PKP2: variants seen among roughly 807,000 people sequenced by gnomAD.
The protein encoded by PKP2 is plakophilin-2.
In PKP2, 73 loss-of-function variants were observed where a neutral mutation model predicts 83.4. The observed-to-expected ratio is 0.88, with a 90% CI of 0.72 to 1.06. PKP2 has a LOEUF of 1.06. Among genes scored for constraint, PKP2 ranks in the 50% least tolerant of loss-of-function variants. The pLI, the probability that PKP2 is intolerant of heterozygous loss-of-function variation, is 0.00. For synonymous variants in PKP2, 409 were observed against 430.4 expected, an observed-to-expected ratio of 0.95 and a Z score of 0.62; for missense variants, 966 against 1,065.4, an observed-to-expected ratio of 0.91 and a Z score of 1.30.
intron 1 of PKP2, among the ~76,000 whole-genome samples, chr12:32,886,517 TTGTC>T (rs1426192206): frequency 2.6e-5 from 4 of 152,234 alleles, no homozygotes; most frequent in Non-Finnish European, 4.4e-5. Flanking sequence ...TTTTTGTTTT[TTGTC>T]TGTCTGTGTT....
intron 9 of PKP2, among the ~76,000 whole-genome samples, chr12:32,819,291 T>A (rs1956351009): frequency 7.1e-5 from 1 of 14,150 alleles, no homozygotes; most frequent in African/African-American, 1.8e-4. Context: ...ATAAATACAA[T>A]ACAATACAAT....
At chr12:32,840,959 C>T (rs1173034944) in intron 6 of PKP2, 69 bp downstream of exon 6, 1 of 1,128,570 alleles carries the variant, frequency 8.9e-7, no homozygotes, top group Non-Finnish European at 1.3e-6. Flanking sequence ...CAGAATATAT[C>T]CTGACTTCCT....
chr12:32,869,010 C>G lies in PKP2; in HGVS notation c.1087G>C (p.Asp363His). 6.2e-7 allele frequency: 1 copy of G among 1,613,958 alleles called. No individual in the cohort carries two copies. Among genetic ancestry groups the G allele is most frequent in the Non-Finnish European group, 8.5e-7 (1 of 1,179,926 alleles). Residue 363 changes from aspartate to histidine, a missense_variant, in exon 4 of 13, where the codon GAC (aspartate) becomes CAC (histidine). Physicochemically the swap from Asp to His is moderately conservative, Grantham distance 81. Coordinates refer to ENST00000340811, the MANE Select transcript of PKP2 (RefSeq NM_001005242.3). ...LERAVSMLEA[D>H]HMLPSRISAA... Reference sequence around the variant, plus strand: ...GAAATCCTGGATGGCAGCATGTGGTCTGCCTCGAGCATACTCACTGCTCGC... The same window carrying G: ...GAAATCCTGGATGGCAGCATGTGGTGTGCCTCGAGCATACTCACTGCTCGC...
chr12:32,872,442 G>A (rs947589596), intron 3 of PKP2, among the ~76,000 whole-genome samples: 1 of 152,154 alleles, frequency 6.6e-6, no homozygotes, highest in Admixed American at 6.5e-5. Context: ...GCTGAGGCAG[G>A]AGAATTGCTT....
At chr12:32,820,200 T>G (rs1188850178) in intron 9 of PKP2, 1 of 152,218 alleles carries the variant, frequency 6.6e-6, no homozygotes, top group Non-Finnish European at 1.5e-5. Context: ...TAAACACACA[T>G]ATTAAAGAAT....
intron 9 of PKP2, among the ~76,000 whole-genome samples, chr12:32,809,172 G>A (rs567514412): frequency 6.6e-6 from 1 of 152,286 alleles, no homozygotes; most frequent in East Asian, 1.9e-4. Context: ...TCTGGGAGCT[G>A]CATCCCAGGG....
chr12:32,880,267 G>C (rs1309953417), intron 1 of PKP2, among the ~76,000 whole-genome samples: 2 of 151,794 alleles, frequency 1.3e-5, no homozygotes, highest in African/African-American at 4.8e-5. Context: ...GGGGGTGGTG[G>C]TGGGCGCCTG....
chr12:32,808,600 G>A (rs1956247002), intron 9 of PKP2, among the ~76,000 whole-genome samples: 1 of 152,182 alleles, frequency 6.6e-6, no homozygotes, highest in South Asian at 2.1e-4. Context: ...TGGAGAAGAG[G>A]CACTCTGTCT....
At chr12:32,793,613 C>CTTTTTTTTTTTTTT (rs35990527) in intron 11 of PKP2, among the ~76,000 whole-genome samples, 10 of 76,718 alleles carry the variant, frequency 1.3e-4, no homozygotes, top group African/African-American at 3.5e-4. Context: ...TCATATTCTG[C>CTTTTTTTTTTTTTT]TTTTTTTTTT....
intron 8 of PKP2, 50 bp downstream of exon 8, chr12:32,822,417 T>A (rs374993132): frequency 2.0e-5 from 30 of 1,476,950 alleles, no homozygotes; most frequent in South Asian, 3.4e-5. Flanking sequence ...AAACACACAC[T>A]CTCTCTCATT....
At chr12:32,874,553 AC>A (rs1479205272) in intron 3 of PKP2, among the ~76,000 whole-genome samples, 2 of 152,044 alleles carry the variant, frequency 1.3e-5, no homozygotes, top group African/African-American at 4.8e-5. Flanking sequence ...AAATTTCTTG[AC>A]CCCAAGTGTT....
chr12:32,843,227 C>T lies in PKP2; in HGVS notation c.1379-2022G>A, dbSNP rs111450489. ...CGAACTCCTGACCTCGTGATCCGCC[C>T]GCCTTGGCCTCCCAAAGTGCTGGGA... On this transcript the variant is annotated intron_variant, in intron 5 of 12. Coordinates refer to ENST00000340811, the MANE Select transcript of PKP2 (RefSeq NM_001005242.3). 64 of 747,806 alleles carry T rather than the reference C, an allele frequency of 8.6e-5. No homozygotes were observed. The highest frequency in any genetic ancestry group is 1.4e-4 in the South Asian group (11 of 75,898). 46.3% of individuals were successfully genotyped at this position (747,806 alleles called of 1,614,324 possible).
intron 9 of PKP2, among the ~76,000 whole-genome samples, chr12:32,803,314 A>G (rs1052777528): frequency 1.3e-5 from 2 of 152,220 alleles, no homozygotes; most frequent in African/African-American, 4.8e-5. Context: ...CAGAGGTTGC[A>G]GAGAGCCAAG....
intron 10 of PKP2, among the ~76,000 whole-genome samples, chr12:32,800,178 T>G (rs1477761956): frequency 6.6e-6 from 1 of 152,180 alleles, no homozygotes; most frequent in Non-Finnish European, 1.5e-5. Flanking sequence ...CTGCCTAATT[T>G]TATTGTGTGC....
At chr12:32,890,303 C>T (rs1021350268) in intron 1 of PKP2, among the ~76,000 whole-genome samples, 3 of 152,018 alleles carry the variant, frequency 2.0e-5, no homozygotes, top group Non-Finnish European at 4.4e-5. Flanking sequence ...GCTTGATGCT[C>T]ACCCACACCC....
chr12:32,807,355 C>G lies in PKP2; in HGVS notation c.2014-4799G>C, dbSNP rs147699372. ...GTCAGAACTAGGATTGCAACCCTTGCTTTTTTCTGTTTTCCATTTGCTTGG... is the reference window on the plus strand; with the variant it reads ...GTCAGAACTAGGATTGCAACCCTTGGTTTTTTCTGTTTTCCATTTGCTTGG... On this transcript the variant is annotated intron_variant, in intron 9 of 12. Coordinates refer to ENST00000340811, the MANE Select transcript of PKP2 (RefSeq NM_001005242.3). Among the ~76,000 whole-genome samples the G allele has an allele frequency of 1.8e-4, 28 of 152,180 alleles. No individual in the cohort carries two copies. In the East Asian group the frequency reaches 4.3e-3, roughly 23 times the overall value.
Position 32,865,009 on chromosome 12 carries a change from T to A in PKP2, c.1170+3918A>T, listed in dbSNP as rs568892184. 2.6e-5 allele frequency among the ~76,000 whole-genome samples: 4 copies of A among 152,332 alleles called. No individual in the cohort carries two copies. In the South Asian group the frequency reaches 6.2e-4, roughly 24 times the overall value. ...AATGTTTCACATCCCCAGTTTTCCATGGTATCCTCAAAAAATCAATTTTCT... is the reference window on the plus strand; with the variant it reads ...AATGTTTCACATCCCCAGTTTTCCAAGGTATCCTCAAAAAATCAATTTTCT... On this transcript the variant is annotated intron_variant, in intron 4 of 12. Coordinates refer to ENST00000340811, the MANE Select transcript of PKP2 (RefSeq NM_001005242.3).
At chr12:32,892,719 T>C (rs551619117) in intron 1 of PKP2, among the ~76,000 whole-genome samples, 23 of 146,234 alleles carry the variant, frequency 1.6e-4, no homozygotes, top group Middle Eastern at 3.5e-3. Flanking sequence ...AAAGAGGTTG[T>C]AAATATAATT....
At chr12:32,839,511 C>T (rs1166752894) in intron 6 of PKP2, among the ~76,000 whole-genome samples, 2 of 149,744 alleles carry the variant, frequency 1.3e-5, no homozygotes, top group African/African-American at 4.9e-5. Context: ...GACATACAAA[C>T]AGAAAAAGAG....
Sources: allele counts gnomAD v4.1 joint callset (sites outside exome capture counted in the v4.1 genomes callset), GRCh38; gene constraint gnomAD v4.1.1; transcripts MANE v1.5; gene names NCBI Gene and HGNC (gene_info 2026-07-23, HGNC 2026-07-21).